The following ITGA6 variants were observed in gnomAD, a reference collection of about 807,000 sequenced individuals.
ITGA6 encodes the protein integrin alpha-6.
Under a neutral mutation model 133.6 loss-of-function variants are expected in ITGA6, and 63 were observed. The ratio of observed to expected loss-of-function variants is 0.47; its 90% confidence interval spans 0.38 to 0.58. The LOEUF is 0.58. ITGA6 is among the 20% of genes least tolerant of loss of function. The probability of loss-of-function intolerance (pLI) is 0.00; values close to 1 mark genes in which losing one functional copy is unlikely to be tolerated. For missense variants in ITGA6, 1,068 were observed against 1,309.4 expected, an observed-to-expected ratio of 0.82 and a Z score of 2.85; for synonymous variants, 434 against 482.0, an observed-to-expected ratio of 0.90 and a Z score of 1.30.
At position 172,479,400 on chromosome 2, in the gene ITGA6, G is replaced by A. The variant is rs9636257; in HGVS notation, c.1389-241G>A. Among the ~76,000 whole-genome samples, 7,742 of 152,254 alleles carry A rather than the reference G, an allele frequency of 0.051. 361 individuals carry two copies. The highest frequency in any genetic ancestry group is 0.26 in the East Asian group (1,343 of 5,180). On this transcript the variant is annotated intron_variant, in intron 9 of 25. Coordinates refer to ENST00000684293, the MANE Select transcript of ITGA6 (RefSeq NM_000210.4). ...ATATTTACTTTAACCCCCACATGTT[G>A]CACATGTACTCATAAGTGTGTACGT...
At chr2:172,486,733 A>G in intron 13 of ITGA6, among the ~76,000 whole-genome samples, 1 of 152,164 alleles carries the variant, frequency 6.6e-6, no homozygotes, top group East Asian at 1.9e-4. Context: ...GTGACTTGCT[A>G]GCTAAGTAAG....
chr2:172,462,021 C>T (rs548959560), intron 1 of ITGA6, among the ~76,000 whole-genome samples: 4 of 152,312 alleles, frequency 2.6e-5, no homozygotes, highest in African/African-American at 4.8e-5. Context: ...TGGTTCCAGG[C>T]GAATTAAGAG....
intron 1 of ITGA6, among the ~76,000 whole-genome samples, chr2:172,433,658 T>C (rs1358185877): frequency 6.6e-6 from 1 of 152,222 alleles, no homozygotes; most frequent in Non-Finnish European, 1.5e-5. Flanking sequence ...AATCTGCATC[T>C]TCCCTGCTTC....
intron 1 of ITGA6, among the ~76,000 whole-genome samples, chr2:172,441,558 TTAA>T (rs1684539723): frequency 3.1e-5 from 2 of 64,854 alleles, no homozygotes; most frequent in Admixed American, 1.9e-4. Context: ...CGCTGTCTCT[TTAA>T]AAAAAAAAAA....
intron 1 of ITGA6, among the ~76,000 whole-genome samples, chr2:172,447,245 G>T (rs1221933081): frequency 1.3e-5 from 2 of 151,762 alleles, no homozygotes; most frequent in Admixed American, 6.6e-5. Context: ...TTGTGAGATG[G>T]AGTCTCACTC....
At chr2:172,450,246 G>T (rs917877131) in intron 1 of ITGA6, among the ~76,000 whole-genome samples, 1 of 152,216 alleles carries the variant, frequency 6.6e-6, no homozygotes, top group Non-Finnish European at 1.5e-5. Context: ...GAGGAATGAT[G>T]TGATATGACC....
At chr2:172,486,101 G>A (rs955882781) in intron 13 of ITGA6, among the ~76,000 whole-genome samples, 17 of 149,362 alleles carry the variant, frequency 1.1e-4, no homozygotes, top group African/African-American at 3.5e-4. Context: ...CCTTAAACCC[G>A]GCAGGTGGAG....
chr2:172,435,522 A>G (rs1444412033), intron 1 of ITGA6, among the ~76,000 whole-genome samples: 1 of 152,068 alleles, frequency 6.6e-6, no homozygotes, highest in Non-Finnish European at 1.5e-5. Flanking sequence ...GGTAGGAAAA[A>G]GGCCATTGTT....
Position 172,487,947 on chromosome 2 carries a change from C to T in ITGA6, c.2325-14C>T, listed in dbSNP as rs1559149985. ...TGGTAAAATACAACCCTATTGTTTC[C>T]TTTTCATTTTCAGAACAAGCAATCA... On this transcript the variant is annotated splice_polypyrimidine_tract_variant and intron_variant, in intron 17 of 25. Transcript: ENST00000684293. 6.2e-7 allele frequency: 1 copy of T among 1,611,116 alleles called. No homozygotes were observed. The highest frequency in any genetic ancestry group is 8.5e-7 in the Non-Finnish European group (1 of 1,177,622).
At position 172,491,069 on chromosome 2, in the gene ITGA6, A is replaced by G. The variant is rs1466252730; in HGVS notation, c.2725A>G (p.Ile909Val). Reference protein sequence around the residue: ...RKKREITEKQIDDNRKFSLFA... With the variant: ...RKKREITEKQVDDNRKFSLFA... Reference sequence around the variant, plus strand: ...GAAACGGGAAATTACTGAAAAACAGATAGATGATAACAGAAAATTTTCTTT... The same window carrying G: ...GAAACGGGAAATTACTGAAAAACAGGTAGATGATAACAGAAAATTTTCTTT... The change falls in exon 21 of 26, where the codon ATA becomes GTA. Residue 909 changes from isoleucine to valine, a missense_variant. Transcript: ENST00000684293. This position sits in a 1 kb window ranked among gnomAD's most constrained non-coding sequence, Gnocchi z 4.4. 1 of 1,594,104 alleles carries G rather than the reference A, an allele frequency of 6.3e-7. No homozygotes were observed. The highest frequency in any genetic ancestry group is 2.2e-5 in the East Asian group (1 of 44,750).
intron 23 of ITGA6, among the ~76,000 whole-genome samples, chr2:172,492,346 G>A (rs1160968507): frequency 6.6e-6 from 1 of 152,194 alleles, no homozygotes; most frequent in African/African-American, 2.4e-5. Flanking sequence ...ATCAGAATTT[G>A]TTGTCAAGCT....
chr2:172,490,962 CTTGTA>C, intron 20 of ITGA6, 57 bp from the exon 21 acceptor site: 1 of 877,410 alleles, frequency 1.1e-6, no homozygotes, highest in Non-Finnish European at 2.0e-6. Context: ...GCTCAAGAGG[CTTGTA>C]TGGTAATGAC....
At position 172,488,162 on chromosome 2, in the gene ITGA6, A is replaced by G. The variant is rs763853126; in HGVS notation, c.2439A>G (p.Thr813=). The change falls in exon 19 of 26, where the codon ACA becomes ACG. Residue 813 remains threonine, a synonymous_variant. Coordinates refer to ENST00000684293, the MANE Select transcript of ITGA6 (RefSeq NM_000210.4). ...AKPSQVYFGG[T]VVGEQAMKSE... is the part of the protein sequence containing the mutation. Reference sequence around the variant, plus strand: ...CTTCCCAGGTGTATTTTGGAGGTACAGTTGTTGGCGAGCAAGCTATGAAAT... The same window carrying G: ...CTTCCCAGGTGTATTTTGGAGGTACGGTTGTTGGCGAGCAAGCTATGAAAT... The G allele has an allele frequency of 9.3e-6, 15 of 1,614,102 alleles. No homozygotes were observed. The highest frequency in any genetic ancestry group is 1.2e-5 in the Non-Finnish European group (14 of 1,179,974).
intron 1 of ITGA6, among the ~76,000 whole-genome samples, chr2:172,460,422 G>A (rs1685385273): frequency 6.6e-6 from 1 of 152,316 alleles, no homozygotes; most frequent in East Asian, 1.9e-4. Context: ...TTAAAACTCA[G>A]AGTAGCAAAT....
chr2:172,480,062 A>G lies in ITGA6; in HGVS notation c.1549+11A>G, dbSNP rs752037951. The stretch of plus-strand genomic sequence containing the variant: ...ATAATCCTTCAATATGTAAGTACCT[A>G]GTACCTTTAAAATATGTCTACTTTC... On this transcript the variant is annotated intron_variant, in intron 11 of 25. Transcript: ENST00000684293. 9.0e-6 allele frequency: 13 copies of G among 1,446,818 alleles called. No homozygotes were observed. Among genetic ancestry groups the G allele is most frequent in the Non-Finnish European group, 1.3e-5 (13 of 1,027,798 alleles). The allele number at this position is 1,446,818 out of a possible 1,614,324, so 89.6% of individuals were successfully genotyped here.
chr2:172,469,449 T>TAGTACATTC, intron 4 of ITGA6, 69 bp downstream of exon 4: 3 of 771,516 alleles, frequency 3.9e-6, no homozygotes, highest in Non-Finnish European at 4.9e-6. Flanking sequence ...TTAGTACATT[T>TAGTACATTC]TGAGCTAAAA....
intron 17 of ITGA6, 40 bp downstream of exon 17, chr2:172,487,847 T>C (rs751988973): frequency 1.3e-6 from 2 of 1,519,922 alleles, no homozygotes; most frequent in Non-Finnish European, 1.8e-6. Flanking sequence ...AATTATTTCA[T>C]GAAAATATGG....
intron 1 of ITGA6, among the ~76,000 whole-genome samples, chr2:172,441,684 T>A (rs1290113424): frequency 2.6e-5 from 4 of 151,748 alleles, no homozygotes; most frequent in African/African-American, 9.7e-5. Flanking sequence ...TGTGAATTTC[T>A]TTACAATTGA....
Position 172,427,616 on chromosome 2 carries a change from C to T in ITGA6, c.-173C>T. 2.3e-6 allele frequency: 3 copies of T among 1,279,984 alleles called. No individual in the cohort carries two copies. The highest frequency in any genetic ancestry group is 3.0e-4 in the Middle Eastern group (1 of 3,324). The allele number at this position is 1,279,984 out of a possible 1,614,324, so 79.3% of individuals were successfully genotyped here. ...GCTCATTCAGCGGTCGCGAGCTGCCCGCGAGGGGGAGCGGCCGGACGGAGA... is the reference window on the plus strand; with the variant it reads ...GCTCATTCAGCGGTCGCGAGCTGCCTGCGAGGGGGAGCGGCCGGACGGAGA... On this transcript the variant is annotated 5_prime_UTR_variant, in exon 1 of 26. Transcript: ENST00000684293.
Sources: gnomAD v4.1 joint callset for allele counts (sites outside exome capture counted in the v4.1 genomes callset) on GRCh38, gnomAD v4.1.1 for gene constraint, Gnocchi (gnomAD v3.1) non-coding constraint, MANE v1.5 for transcripts, NCBI Gene and HGNC (gene_info 2026-07-23, HGNC 2026-07-21) for gene names.